OBSL1: variants seen among roughly 807,000 people sequenced by gnomAD.
The protein encoded by OBSL1 is obscurin like cytoskeletal adaptor 1, also known as obscurin-like protein 1.
In OBSL1, 160 loss-of-function variants were observed where a neutral mutation model predicts 172.0. The ratio of observed to expected loss-of-function variants is 0.93; its 90% CI spans 0.82 to 1.06. The LOEUF is 1.06. OBSL1 is among the 50% of genes least tolerant of loss of function. OBSL1 has a pLI of 0.00. For missense variants in OBSL1, 2,681 were observed against 2,715.4 expected (o/e 0.99, Z 0.28); for synonymous variants, 1,200 against 1,196.3 (o/e 1.00, Z -0.06).
At chr2:219,560,912 G>A (rs1696415827) in intron 8 of OBSL1, among the ~76,000 whole-genome samples, 1 of 152,222 alleles carries the variant, frequency 6.6e-6, no homozygotes, top group African/African-American at 2.4e-5. Context: ...CCTCAGCTTG[G>A]TGTCAGACTT....
At chr2:219,549,915 G>A (rs1695516186), downstream of OBSL1, 1 of 1,582,106 alleles carries the variant, frequency 6.3e-7, no homozygotes, top group African/African-American at 1.3e-5. Context: ...AGGCCTGCTA[G>A]GCTGCCACTC....
rs905697174 is a variant in OBSL1, at chr2:219,557,965, G to C, written c.3648C>G (p.Gly1216=). 1 of 1,608,840 alleles carries C rather than the reference G, an allele frequency of 6.2e-7. No individual in the cohort carries two copies. The highest frequency in any genetic ancestry group is 8.5e-7 in the Non-Finnish European group (1 of 1,178,894). ...WSHNGRPVQE[G]EGLELHAEGP... ...CCTCGGCATGGAGCTCTAGGCCCTC[G>C]CCCTCCTGCACGGGCCTCCCATTGT... The change falls in exon 11 of 21, where the codon GGC becomes GGG. Residue 1216 remains glycine (G), a synonymous_variant. Transcript: ENST00000404537.
intron 18 of OBSL1, 49 bp downstream of exon 18, chr2:219,552,487 G>C: frequency 2.6e-6 from 4 of 1,539,558 alleles, no homozygotes; most frequent in Non-Finnish European, 3.5e-6. Context: ...ATCTGTTCGA[G>C]CCTGGGCGGG....
rs1695742218 is a variant in OBSL1 at position 219,552,932 on chromosome 2, G to A, written c.5082C>T (p.Asp1694=). ...CCACCGCGCAGCTGTAGGTCCCGGCGTCCGAGGGGCCGCAGCGTCGCAGCT... is the reference window on the plus strand; with the variant it reads ...CCACCGCGCAGCTGTAGGTCCCGGCATCCGAGGGGCCGCAGCGTCGCAGCT... ...LLQLRRCGPS[D]AGTYSCAVGT... Residue 1694 remains aspartate (D), a synonymous_variant, in exon 17 of 21, where the codon GAC becomes GAT. Coordinates refer to ENST00000404537, the MANE Select transcript of OBSL1 (RefSeq NM_015311.3). The A allele has an allele frequency of 3.9e-6, 6 of 1,536,842 alleles. No individual in the cohort carries two copies. The Admixed American group carries it at 9.9e-5, about 25-fold the overall frequency.
intron 14 of OBSL1, chr2:219,555,451 AT>A (rs58273134): frequency 0.97 from 166,474 of 172,354 alleles, 80,572 homozygotes; most frequent in East Asian, 1. Context: ...GCTAATTTTT[AT>A]TTTTTTTTGT....
chr2:219,547,354 A>T, downstream of OBSL1: 1 of 581,834 alleles, frequency 1.7e-6, no homozygotes, highest in East Asian at 3.0e-5. Context: ...CCCATCACTG[A>T]TGCCGTCATG....
rs1696158731 is a variant in OBSL1 at position 219,557,990 on chromosome 2, T to C, written c.3623A>G (p.His1208Arg). 1 of 1,611,700 alleles carries C rather than the reference T, an allele frequency of 6.2e-7. No homozygotes were observed. Among genetic ancestry groups the C allele is most frequent in the Admixed American group, 1.7e-5 (1 of 59,734 alleles). The change falls in exon 11 of 21, where the codon CAC becomes CGC. Residue 1208 changes from histidine to arginine, a missense_variant. Physicochemically the swap from His to Arg is conservative, Grantham distance 29 (BLOSUM62 0). Coordinates refer to ENST00000404537, the MANE Select transcript of OBSL1 (RefSeq NM_015311.3). ...GCCCTCCTGCACGGGCCTCCCATTG[T>C]GGCTCCAGACCACGGGGGCGCCAGC... ...SRAGAPVVWS[H>R]NGRPVQEGEG... is the part of the protein sequence containing the mutation.
chr2:219,562,983 A>G, intron 7 of OBSL1: 1 of 488,192 alleles, frequency 2.0e-6, no homozygotes. Flanking sequence ...AACTGATGAG[A>G]GGAGGGTTGG....
intron 8 of OBSL1, chr2:219,562,001 G>C (rs1057192365): frequency 9.8e-6 from 7 of 717,500 alleles, no homozygotes; most frequent in Non-Finnish European, 1.8e-5. Flanking sequence ...CCTGACTTTG[G>C]TAAGACTCTG....
rs377217282 is a variant in OBSL1, at chr2:219,553,693, G to T, written c.4877-7C>A. On this transcript the variant is annotated splice_polypyrimidine_tract_variant and splice_region_variant and intron_variant, in intron 15 of 20. Transcript: ENST00000404537. ...ACGATGGTCACTGGGACCTCTGGGGGTGGGAGAGGGAGGACAGTGCAGAGG... is the reference window on the plus strand; with the variant it reads ...ACGATGGTCACTGGGACCTCTGGGGTTGGGAGAGGGAGGACAGTGCAGAGG... The T allele has an allele frequency of 6.2e-7, 1 of 1,606,350 alleles. No homozygotes were observed. Among genetic ancestry groups the T allele is most frequent in the Non-Finnish European group, 8.5e-7 (1 of 1,173,822 alleles).
rs1490611809 is a variant in OBSL1, at chr2:219,568,427, C to A, written c.1013-103G>T. On this transcript the variant is annotated intron_variant, in intron 1 of 20. Coordinates refer to ENST00000404537, the MANE Select transcript of OBSL1 (RefSeq NM_015311.3). This position sits in a 1 kb window ranked among gnomAD's most constrained non-coding sequence, Gnocchi z 4.1. ...TAGCTCATGCTGTGTGCTCTTCATG[C>A]AGAGCCAGCGGGCACTGTGGAATCA... The A allele has an allele frequency of 1.7e-6, 2 of 1,161,334 alleles. No individual in the cohort carries two copies. The highest frequency in any genetic ancestry group is 2.6e-5 in the East Asian group (1 of 38,832). The allele number at this position is 1,161,334 out of a possible 1,614,324, so 71.9% of individuals were successfully genotyped here. A position where few individuals can be genotyped will look rare whatever the true frequency, so the allele number is the denominator to read the frequency against.
rs369591567 is a variant in OBSL1 at position 219,561,645 on chromosome 2, C to T, written c.2953+757G>A. The stretch of plus-strand genomic sequence containing the variant: ...TGTGGAAGGGTGACTTTCTCCCAGG[C>T]CTCCCTGACCCTCCTGCTCTGTGCT... On this transcript the variant is annotated intron_variant, in intron 8 of 20. Coordinates refer to ENST00000404537, the MANE Select transcript of OBSL1 (RefSeq NM_015311.3). 2.1e-3 allele frequency: 831 copies of T among 391,534 alleles called. 6 individuals are homozygous for T. The African/African-American group carries it at 0.053, about 25-fold the overall frequency. The allele number at this position is 391,534 out of a possible 1,614,324, so 24.3% of individuals were successfully genotyped here. A position where few individuals can be genotyped will look rare whatever the true frequency, so the allele number is the denominator to read the frequency against.
At chr2:219,547,994 G>A (rs777773170), downstream of OBSL1, 3 of 1,587,776 alleles carry the variant, frequency 1.9e-6, no homozygotes, top group South Asian at 3.4e-5. Context: ...GCGAAGCTGG[G>A]CCCTGCTGGC....
chr2:219,565,320 C>T lies in OBSL1; in HGVS notation c.2329G>A (p.Glu777Lys). 1 of 1,614,058 alleles carries T rather than the reference C, an allele frequency of 6.2e-7. No individual in the cohort carries two copies. The highest frequency in any genetic ancestry group is 8.5e-7 in the Non-Finnish European group (1 of 1,179,900). ...TCGCCACTGTCCTGGACTTTGGCCTCAGGCAGGATCAGACGGTGTTTGCGC... is the reference window on the plus strand; with the variant it reads ...TCGCCACTGTCCTGGACTTTGGCCTTAGGCAGGATCAGACGGTGTTTGCGC... The part of the protein sequence containing the change: ...DGRKHRLILP[E>K]AKVQDSGEFE... Residue 777 changes from glutamate (E) to lysine (K), a missense_variant, in exon 6 of 21, where the codon GAG becomes AAG. Glu to Lys is a moderately conservative substitution (Grantham distance 56, BLOSUM62 1). Transcript: ENST00000404537.
chr2:219,561,065 A>C (rs1355858461), intron 8 of OBSL1, among the ~76,000 whole-genome samples: 1 of 152,158 alleles, frequency 6.6e-6, no homozygotes, highest in Non-Finnish European at 1.5e-5. Context: ...GGAGAGGGTG[A>C]AGATGATTAC....
chr2:219,567,391 T>C lies in OBSL1; in HGVS notation c.1719A>G (p.Gly573=). The change falls in exon 4 of 21, where the codon GGA becomes GGG. Residue 573 remains glycine, a synonymous_variant. Transcript: ENST00000404537. Reference sequence around the variant, plus strand: ...CACAGTCGCCCGGCACCTCCACGGCTCCGGCTTTCTCGATGCTGAAGCACT... The same window carrying C: ...CACAGTCGCCCGGCACCTCCACGGCCCCGGCTTTCTCGATGCTGAAGCACT... ...WIQCFSIEKA[G]AVEVPGDCVP... 6.2e-7 allele frequency: 1 copy of C among 1,612,942 alleles called. No homozygotes were observed. Among genetic ancestry groups the C allele is most frequent in the Admixed American group, 1.7e-5 (1 of 59,912 alleles).
chr2:219,568,425 T>G lies in OBSL1; in HGVS notation c.1013-101A>C, dbSNP rs1294416584. On this transcript the variant is annotated intron_variant, in intron 1 of 20. Coordinates refer to ENST00000404537, the MANE Select transcript of OBSL1 (RefSeq NM_015311.3). The surrounding 1 kb of genome is among the most constrained non-coding windows in gnomAD (Gnocchi z 4.1). ...ATTAGCTCATGCTGTGTGCTCTTCATGCAGAGCCAGCGGGCACTGTGGAAT... is the reference window on the plus strand; with the variant it reads ...ATTAGCTCATGCTGTGTGCTCTTCAGGCAGAGCCAGCGGGCACTGTGGAAT... 2.5e-6 allele frequency: 3 copies of G among 1,177,540 alleles called. No individual in the cohort carries two copies. Among genetic ancestry groups the G allele is most frequent in the Non-Finnish European group, 3.5e-6 (3 of 857,548 alleles). The allele number at this position is 1,177,540 out of a possible 1,614,324, so 72.9% of individuals were successfully genotyped here. A position where few individuals can be genotyped will look rare whatever the true frequency, so the allele number is the denominator to read the frequency against.
rs1254534417 is a variant in OBSL1, at chr2:219,559,237, C to G, written c.3214G>C (p.Val1072Leu). 3.1e-6 allele frequency: 5 copies of G among 1,604,966 alleles called. No individual in the cohort carries two copies. Among genetic ancestry groups the G allele is most frequent in the Non-Finnish European group, 4.3e-6 (5 of 1,173,394 alleles). The change falls in exon 9 of 21, where the codon GTC becomes CTC. Residue 1072 changes from valine (V) to leucine (L), a missense_variant. By Grantham distance (32) the Val-to-Leu change is conservative (BLOSUM62 1). Around this residue, in one of 5 missense-constraint regions of OBSL1, gnomAD observed 1,765 missense variants for 1,748.3 expected, o/e 1.01. Transcript: ENST00000404537. ...DAGDDSAFFT[V>L]TVTAPPERIV... ...AGAGACTGCCCACCTGTGACAGTGA[C>G]AGTGAAGAAGGCCGAGTCATCTCCA... is the stretch of plus-strand genomic sequence containing the variant.
chr2:219,563,327 TGCC>T (rs1414987149), intron 7 of OBSL1, 25 bp downstream of exon 7: 1 of 1,533,930 alleles, frequency 6.5e-7, no homozygotes, highest in East Asian at 2.3e-5. Context: ...CCTTCCCCTG[TGCC>T]TCCGAGGCCC....
Sources: allele counts gnomAD v4.1 joint callset (sites outside exome capture counted in the v4.1 genomes callset), GRCh38; gene constraint gnomAD v4.1.1; regional missense constraint gnomAD v4.1.1; non-coding constraint Gnocchi (gnomAD v3.1); transcripts MANE v1.5; gene names NCBI Gene and HGNC (gene_info 2026-07-23, HGNC 2026-07-21).